The following FRMD5 variants were observed in gnomAD, a reference collection of about 807,000 sequenced individuals.
FRMD5 encodes the protein FERM domain-containing protein 5.
Under a neutral mutation model 69.0 loss-of-function variants are expected in FRMD5, and 20 were observed. The ratio of observed to expected loss-of-function variants is 0.29; its 90% confidence interval spans 0.20 to 0.42. The LOEUF is 0.42. Ranked by LOEUF, FRMD5 falls within the 10% of genes least tolerant of loss-of-function variation. The pLI is 1.00. For missense variants in FRMD5, 595 were observed against 708.6 expected, an observed-to-expected ratio of 0.84 and a Z score of 1.82; for synonymous variants, 271 against 260.1, an observed-to-expected ratio of 1.04 and a Z score of -0.40.
intron 1 of FRMD5, among the ~76,000 whole-genome samples, chr15:43,975,631 TAAAC>T (rs2090450623): frequency 6.6e-6 from 1 of 152,170 alleles, no homozygotes; most frequent in South Asian, 2.1e-4. Flanking sequence ...AAAGAAAACC[TAAAC>T]AGAGGGATAT....
At chr15:43,928,179 A>G (rs560238438) in intron 1 of FRMD5, among the ~76,000 whole-genome samples, 2 of 152,306 alleles carry the variant, frequency 1.3e-5, no homozygotes, top group East Asian at 3.9e-4. Flanking sequence ...CCGTGAAGAC[A>G]TAGTTCCCTC....
intron 1 of FRMD5, among the ~76,000 whole-genome samples, chr15:43,983,771 C>T (rs1450759247): frequency 6.6e-6 from 1 of 152,126 alleles, no homozygotes; most frequent in Non-Finnish European, 1.5e-5. Flanking sequence ...GTACTAAGGT[C>T]CTCCCCCCAT....
chr15:44,117,585 A>G (rs1317395199), intron 1 of FRMD5, among the ~76,000 whole-genome samples: 1 of 152,234 alleles, frequency 6.6e-6, no homozygotes. Flanking sequence ...GTTACAACTT[A>G]GATGTTATTT....
intron 1 of FRMD5, among the ~76,000 whole-genome samples, chr15:43,950,261 G>A (rs922233101): frequency 6.6e-6 from 1 of 152,150 alleles, no homozygotes; most frequent in Non-Finnish European, 1.5e-5. Flanking sequence ...ATAGGTGAAC[G>A]AAGGAGTAGG....
At chr15:44,133,737 T>C (rs548946682) in intron 1 of FRMD5, among the ~76,000 whole-genome samples, 96 of 152,116 alleles carry the variant, frequency 6.3e-4, no homozygotes, top group Middle Eastern at 6.8e-3. Context: ...GTTGTAACGA[T>C]AACAAAACTC....
At chr15:44,061,110 C>A (rs894774670) in intron 1 of FRMD5, among the ~76,000 whole-genome samples, 6 of 152,158 alleles carry the variant, frequency 3.9e-5, no homozygotes, top group African/African-American at 1.4e-4. Context: ...TTTTTCAGCT[C>A]TTGACACAAA....
intron 1 of FRMD5, among the ~76,000 whole-genome samples, chr15:43,940,950 A>C (rs1183517236): frequency 2.0e-5 from 3 of 152,258 alleles, no homozygotes; most frequent in Non-Finnish European, 4.4e-5. Flanking sequence ...TTCTTAGATC[A>C]GCCATTGCAT....
At chr15:43,950,569 A>G (rs1424285774) in intron 1 of FRMD5, among the ~76,000 whole-genome samples, 5 of 152,150 alleles carry the variant, frequency 3.3e-5, no homozygotes, top group Non-Finnish European at 5.9e-5. Flanking sequence ...ACACCGACTG[A>G]GCCTCTCTTA....
intron 1 of FRMD5, among the ~76,000 whole-genome samples, chr15:43,983,562 TATTTC>T (rs1231465534): frequency 2.0e-5 from 3 of 152,240 alleles, no homozygotes; most frequent in Admixed American, 6.5e-5. Flanking sequence ...CAGGATTTTG[TATTTC>T]ATTTAAGAAG....
At chr15:44,013,857 CTT>C (rs3040909) in intron 1 of FRMD5, among the ~76,000 whole-genome samples, 5 of 131,592 alleles carry the variant, frequency 3.8e-5, no homozygotes, top group African/African-American at 5.7e-5. Context: ...GAGACACCTT[CTT>C]TTTTTTTTTT....
chr15:44,123,584 T>A (rs1171701214), intron 1 of FRMD5, among the ~76,000 whole-genome samples: 6 of 152,102 alleles, frequency 3.9e-5, no homozygotes, highest in Non-Finnish European at 5.9e-5. Flanking sequence ...AAATATTTTT[T>A]AAAAAATAAA....
At chr15:44,008,943 A>G (rs539685635) in intron 1 of FRMD5, among the ~76,000 whole-genome samples, 172 of 151,694 alleles carry the variant, frequency 1.1e-3, no homozygotes, top group African/African-American at 4.0e-3. Flanking sequence ...GGAGAATGGC[A>G]TGAACCCGGG....
chr15:43,963,838 C>A (rs898140842), intron 1 of FRMD5, among the ~76,000 whole-genome samples: 1 of 151,978 alleles, frequency 6.6e-6, no homozygotes, highest in South Asian at 2.1e-4. Flanking sequence ...TTCTCACTCA[C>A]AGGTGGGAAT....
intron 1 of FRMD5, among the ~76,000 whole-genome samples, chr15:44,045,790 A>G (rs966241185): frequency 6.6e-6 from 1 of 152,194 alleles, no homozygotes; most frequent in African/African-American, 2.4e-5. Context: ...AGTGAATACA[A>G]TGCTGTTGTA....
intron 1 of FRMD5, among the ~76,000 whole-genome samples, chr15:43,984,854 T>C (rs1889306784): frequency 6.6e-6 from 1 of 151,816 alleles, no homozygotes; most frequent in African/African-American, 2.4e-5. Context: ...CATGGTGGCA[T>C]ACACCTGTAA....
chr15:43,875,804 G>GTTTTTTTTTTTTTTTTTTTTTTTTTTT (rs34063043), intron 13 of FRMD5: 2 of 210,660 alleles, frequency 9.5e-6, no homozygotes, highest in South Asian at 7.7e-5. Context: ...CCTGGGCCTA[G>GTTTTTTTTTTTTTTTTTTTTTTTTTTT]TTTTTTTTTT....
chr15:44,064,155 G>A (rs28479591), intron 1 of FRMD5: 4,353 of 218,358 alleles, frequency 0.02, 170 homozygotes, highest in African/African-American at 0.086. Flanking sequence ...GCACTGACAA[G>A]GCTGTGGGTA....
chr15:43,898,504 AACAAGGCT>A (rs2088968396), intron 7 of FRMD5, among the ~76,000 whole-genome samples: 2 of 152,224 alleles, frequency 1.3e-5, no homozygotes, highest in South Asian at 4.1e-4. Flanking sequence ...GACTCTTAAC[AACAAGGCT>A]GGGCATCTGT....
intron 1 of FRMD5, among the ~76,000 whole-genome samples, chr15:43,975,979 T>C (rs1287906722): frequency 6.6e-6 from 1 of 152,118 alleles, no homozygotes; most frequent in Non-Finnish European, 1.5e-5. Flanking sequence ...ATGTTCATTT[T>C]CAACAAGGTG....
Sources: allele counts gnomAD v4.1 joint callset (sites outside exome capture counted in the v4.1 genomes callset), GRCh38; gene constraint gnomAD v4.1.1; transcripts MANE v1.5; gene names NCBI Gene and HGNC (gene_info 2026-07-23, HGNC 2026-07-21).